Variants in SLC22A25 observed in about 807,000 individuals in gnomAD.
The protein encoded by SLC22A25 is solute carrier family 22 member 25.
Under a neutral mutation model 45.9 loss-of-function variants are expected in SLC22A25, and 44 were observed. That is an observed-to-expected ratio of 0.96 (90% CI 0.75 to 1.23). SLC22A25 has a LOEUF of 1.23. Among genes scored for constraint, SLC22A25 ranks in the 50% most tolerant of loss-of-function variants. The pLI is 0.00. For missense variants in SLC22A25, 800 were observed against 666.4 expected (o/e 1.20, Z -2.21); for synonymous variants, 283 against 238.6 (o/e 1.19, Z -1.72).
intron 9 of SLC22A25, chr11:63,166,715 A>G (rs2087697104): frequency 2.0e-6 from 2 of 996,086 alleles, no homozygotes; most frequent in African/African-American, 3.5e-5. Context: ...AAAATGTACA[A>G]CTTATTGGGT....
intron 7 of SLC22A25, among the ~76,000 whole-genome samples, chr11:63,199,228 T>C (rs1055686875): frequency 3.3e-5 from 5 of 152,086 alleles, no homozygotes; most frequent in Non-Finnish European, 7.4e-5. Flanking sequence ...GATATTACCA[T>C]TGACCTCATA....
At chr11:63,201,832 T>C (rs545975598) in intron 7 of SLC22A25, among the ~76,000 whole-genome samples, 1 of 151,788 alleles carries the variant, frequency 6.6e-6, no homozygotes, top group African/African-American at 2.4e-5. Context: ...CCATTAAAAG[T>C]GGGCAAAGAG....
intron 7 of SLC22A25, among the ~76,000 whole-genome samples, chr11:63,198,645 CA>C (rs2089138294): frequency 6.6e-6 from 1 of 151,892 alleles, no homozygotes; most frequent in African/African-American, 2.4e-5. Flanking sequence ...TCCAGCACAC[CA>C]AAATGGCACA....
intron 7 of SLC22A25, among the ~76,000 whole-genome samples, chr11:63,195,691 A>G (rs1024558819): frequency 6.6e-6 from 1 of 152,306 alleles, no homozygotes; most frequent in Non-Finnish European, 1.5e-5. Flanking sequence ...CGCAATTAAA[A>G]GAACTAGAGA....
At chr11:63,213,400 G>T (rs1321526192) in intron 7 of SLC22A25, among the ~76,000 whole-genome samples, 1 of 152,108 alleles carries the variant, frequency 6.6e-6, no homozygotes, top group Non-Finnish European at 1.5e-5. Context: ...TCAGTTGTTG[G>T]GCTGTTGGCA....
intron 7 of SLC22A25, among the ~76,000 whole-genome samples, chr11:63,199,459 A>G (rs920902191): frequency 1.3e-5 from 2 of 152,076 alleles, no homozygotes; most frequent in Admixed American, 1.3e-4. Flanking sequence ...TTCCAAGACA[A>G]AGTGCCTTGA....
chr11:63,239,670 C>A (rs955441656), intron 1 of SLC22A25, among the ~76,000 whole-genome samples: 1 of 152,186 alleles, frequency 6.6e-6, no homozygotes, highest in African/African-American at 2.4e-5. Context: ...TAACAGCTCT[C>A]TGCTTCAGGT....
intron 9 of SLC22A25, among the ~76,000 whole-genome samples, chr11:63,177,060 A>G (rs1362616020): frequency 3.9e-5 from 6 of 152,018 alleles, no homozygotes; most frequent in Non-Finnish European, 5.9e-5. Flanking sequence ...TAAATATATC[A>G]TCATACTTTC....
intron 7 of SLC22A25, among the ~76,000 whole-genome samples, chr11:63,186,050 T>G (rs1279675941): frequency 6.6e-6 from 1 of 151,758 alleles, no homozygotes; most frequent in Non-Finnish European, 1.5e-5. Flanking sequence ...ATCCTTTGGG[T>G]ATATACCCAG....
At position 63,177,279 on chromosome 11, in the gene SLC22A25, T is replaced by C. The variant is rs116935149; in HGVS notation, c.1070+3381A>G. 3.7e-3 allele frequency among the ~76,000 whole-genome samples: 562 copies of C among 152,178 alleles called. 30 individuals carry two copies. The East Asian group carries it at 0.093, about 25-fold the overall frequency. ...TTTATGAGGCACTGTGATATTTTGA[T>C]ATATTCATACAGTATATAATGATAA... is the stretch of plus-strand genomic sequence containing the variant. On this transcript the variant is annotated intron_variant, in intron 9 of 11. Transcript: ENST00000306494.
At position 63,166,039 on chromosome 11, in the gene SLC22A25, C is replaced by A; in HGVS notation, c.1285+5G>T. On this transcript the variant is annotated splice_donor_5th_base_variant and intron_variant, in intron 10 of 11. Transcript: ENST00000306494. The stretch of plus-strand genomic sequence containing the variant: ...TTCTTTCTTCCACCTGTGAACTTTT[C>A]TCACCTTGAGGCACAAATATGATGG... The A allele has an allele frequency of 6.2e-7, 1 of 1,612,928 alleles. No individual in the cohort carries two copies. Among genetic ancestry groups the A allele is most frequent in the Non-Finnish European group, 8.5e-7 (1 of 1,179,052 alleles).
intron 9 of SLC22A25, 55 bp from the exon 10 acceptor site, chr11:63,166,313 C>G: frequency 6.3e-7 from 1 of 1,587,884 alleles, no homozygotes; most frequent in Non-Finnish European, 8.6e-7. Flanking sequence ...CTAAATCCTA[C>G]AAATGAGAAT....
chr11:63,229,421 G>C lies in SLC22A25; in HGVS notation c.232C>G (p.Pro78Ala). 1 of 1,614,154 alleles carries C rather than the reference G, an allele frequency of 6.2e-7. No homozygotes were observed. The highest frequency in any genetic ancestry group is 8.5e-7 in the Non-Finnish European group (1 of 1,179,986). ...SQDALLRISIPFDSNLRPEKC... is the reference protein window; with the variant it reads ...SQDALLRISIAFDSNLRPEKC... Reference sequence around the variant, plus strand: ...TCTGGCCTCAGATTTGAGTCGAATGGGATGGAGATTCTCAGGAGGGCATCC... The same window carrying C: ...TCTGGCCTCAGATTTGAGTCGAATGCGATGGAGATTCTCAGGAGGGCATCC... Residue 78 changes from proline (P) to alanine (A), a missense_variant, in exon 4 of 12, where the codon CCA becomes GCA. Transcript: ENST00000306494.
rs1046532532 is a variant in SLC22A25 at position 63,159,126 on chromosome 11, T to C, written c.*4698A>G. On this transcript the variant is annotated 3_prime_UTR_variant, in exon 12 of 12. Coordinates refer to ENST00000306494, the MANE Select transcript of SLC22A25 (RefSeq NM_199352.6). ...TGGCTGAATAGTACTTCATTGTGTA[T>C]ATGTACCACATTTTCTTTATCAATT... Among the ~76,000 whole-genome samples, 1 of 152,222 alleles carries C rather than the reference T, an allele frequency of 6.6e-6. No homozygotes were observed. The highest frequency in any genetic ancestry group is 2.4e-5 in the African/African-American group (1 of 41,444).
chr11:63,233,915 G>A (rs2090117070), intron 3 of SLC22A25, among the ~76,000 whole-genome samples: 1 of 152,176 alleles, frequency 6.6e-6, no homozygotes, highest in African/African-American at 2.4e-5. Context: ...TTCAGGAGCA[G>A]GTTTTTCAGT....
At chr11:63,194,847 C>A (rs1268313087) in intron 7 of SLC22A25, among the ~76,000 whole-genome samples, 2 of 118,462 alleles carry the variant, frequency 1.7e-5, no homozygotes, top group African/African-American at 3.2e-5. Context: ...CACATAGGCT[C>A]AAAATAAAGG....
intron 7 of SLC22A25, among the ~76,000 whole-genome samples, chr11:63,204,701 C>G (rs1211724381): frequency 2.0e-5 from 3 of 152,154 alleles, no homozygotes; most frequent in African/African-American, 7.2e-5. Context: ...GACTCCCACA[C>G]TATAATATTG....
At chr11:63,170,298 G>T (rs2087832214) in intron 9 of SLC22A25, among the ~76,000 whole-genome samples, 1 of 151,906 alleles carries the variant, frequency 6.6e-6, no homozygotes, top group South Asian at 2.1e-4. Flanking sequence ...GCTAGGCAAA[G>T]ACAAGAAATA....
At chr11:63,184,404 C>T (rs929937180) in intron 7 of SLC22A25, among the ~76,000 whole-genome samples, 1 of 152,094 alleles carries the variant, frequency 6.6e-6, no homozygotes, top group Non-Finnish European at 1.5e-5. Context: ...TTCTCTCTAT[C>T]TGAACTTTCT....
Sources: allele counts gnomAD v4.1 joint callset (sites outside exome capture counted in the v4.1 genomes callset), GRCh38; gene constraint gnomAD v4.1.1; transcripts MANE v1.5; gene names NCBI Gene and HGNC (gene_info 2026-07-23, HGNC 2026-07-21).